Variants in SYT9 observed in about 807,000 individuals in gnomAD.
SYT9 encodes synaptotagmin-9.
Under a neutral mutation model 48.4 loss-of-function variants are expected in SYT9, and 22 were observed. The observed-to-expected ratio is 0.45, with a 90% CI of 0.32 to 0.65. The LOEUF (loss-of-function observed/expected upper bound fraction) is 0.65. Among genes scored for constraint, SYT9 ranks in the 30% least tolerant of loss-of-function variants. The pLI is 0.03. For synonymous variants in SYT9, 265 were observed against 245.0 expected, an observed-to-expected ratio of 1.08 and a Z score of -0.76; for missense variants, 577 against 622.0, an observed-to-expected ratio of 0.93 and a Z score of 0.77.
chr11:7,264,095 G>C (rs752961723), intron 1 of SYT9, among the ~76,000 whole-genome samples: 1 of 152,052 alleles, frequency 6.6e-6, no homozygotes, highest in African/African-American at 2.4e-5. Flanking sequence ...GGGCAGATGT[G>C]GTTTGGGAAT....
At chr11:7,254,850 A>T (rs1303990898) in intron 1 of SYT9, among the ~76,000 whole-genome samples, 3 of 152,112 alleles carry the variant, frequency 2.0e-5, no homozygotes, top group African/African-American at 7.2e-5. Flanking sequence ...AAATTTACTC[A>T]TTTTTTCAGA....
chr11:7,336,359 T>C (rs577032762), intron 3 of SYT9, among the ~76,000 whole-genome samples: 5 of 152,334 alleles, frequency 3.3e-5, no homozygotes, highest in East Asian at 3.9e-4. Flanking sequence ...ATCCCATTTG[T>C]CAATTTTAGC....
At chr11:7,309,748 T>C (rs1204874942) in intron 2 of SYT9, among the ~76,000 whole-genome samples, 3 of 152,152 alleles carry the variant, frequency 2.0e-5, no homozygotes, top group African/African-American at 7.2e-5. Flanking sequence ...TGGGGCAGTC[T>C]CCCTGCTCCA....
At chr11:7,287,939 A>T (rs16924381) in intron 1 of SYT9, among the ~76,000 whole-genome samples, 14,416 of 152,212 alleles carry the variant, frequency 0.095, 1,082 homozygotes, top group African/African-American at 0.21. Context: ...AGTTTGCTGA[A>T]GGAAGTGGCA....
intron 5 of SYT9, 35 bp from the exon 6 acceptor site, chr11:7,420,471 T>C (rs984022581): frequency 6.2e-7 from 1 of 1,610,454 alleles, no homozygotes. Context: ...CATACCAAAA[T>C]TTTAAGAAAA....
At chr11:7,438,874 T>C (rs992153801) in intron 6 of SYT9, 1 of 152,272 alleles carries the variant, frequency 6.6e-6, no homozygotes, top group African/African-American at 2.4e-5. Context: ...AGACTTCATC[T>C]CTGATTTCAG....
chr11:7,303,244 T>C lies in SYT9; in HGVS notation c.351T>C (p.Asp117=), dbSNP rs4412741. ...AGGAGAACAGTGAGGACTTCCTAGA[T>C]CCTCCCACGCCCTGCCCTGACTCCT... The part of the protein sequence containing the change: ...NEQENSEDFL[D]PPTPCPDSSM... The change falls in exon 2 of 7, where the codon GAT becomes GAC. Residue 117 remains aspartate, a synonymous_variant. Transcript: ENST00000318881. 1 allele frequency: 1,608,834 copies of C among 1,614,122 alleles called. 801,942 individuals are homozygous for C. Among genetic ancestry groups the C allele is most frequent in the East Asian group, 1 (44,860 of 44,860 alleles).
chr11:7,367,120 C>T, intron 3 of SYT9, among the ~76,000 whole-genome samples: 1 of 110,118 alleles, frequency 9.1e-6, no homozygotes, highest in African/African-American at 3.4e-5. Flanking sequence ...CTCGCTCTGT[C>T]ACCCAGGCTG....
chr11:7,385,363 T>C (rs1053190635), intron 3 of SYT9, among the ~76,000 whole-genome samples: 3 of 150,336 alleles, frequency 2.0e-5, no homozygotes, highest in African/African-American at 7.4e-5. Flanking sequence ...TGTGTGTGTG[T>C]GTGTGTGCGT....
In SYT9 at chr11:7,313,399, A is replaced by T; in HGVS notation, c.502A>T (p.Asn168Tyr). 6.2e-7 allele frequency: 1 copy of T among 1,608,302 alleles called. No homozygotes were observed. The highest frequency in any genetic ancestry group is 8.5e-7 in the Non-Finnish European group (1 of 1,177,768). The change falls in exon 3 of 7, where the codon AAT (asparagine) becomes TAT (tyrosine). Residue 168 changes from asparagine (N) to tyrosine (Y), a missense_variant. Transcript: ENST00000318881. The part of the protein sequence containing the change: ...VTEPTSSARH[N>Y]SIRRQLNLSN... ...CTGTGTTGCTCTTCATTCAAGGCAT[A>T]ATTCAATCCGAAGACAACTCAACTT...
At chr11:7,364,580 T>G (rs1850206154) in intron 3 of SYT9, among the ~76,000 whole-genome samples, 1 of 152,174 alleles carries the variant, frequency 6.6e-6, no homozygotes, top group Non-Finnish European at 1.5e-5. Flanking sequence ...TTGTTTGACT[T>G]TAAAACTGAC....
intron 6 of SYT9, among the ~76,000 whole-genome samples, chr11:7,456,009 T>C (rs895389717): frequency 1.3e-5 from 2 of 152,222 alleles, no homozygotes; most frequent in Admixed American, 1.3e-4. Context: ...CCATGAAGTT[T>C]CTAGTGAGCA....
intron 3 of SYT9, among the ~76,000 whole-genome samples, chr11:7,323,761 G>C (rs1849378339): frequency 1.3e-5 from 2 of 151,748 alleles, no homozygotes; most frequent in South Asian, 4.1e-4. Context: ...TGTTCACAAT[G>C]TGTTGCTTTT....
rs140244027 is a variant in SYT9 at position 7,346,053 on chromosome 11, G to T, written c.1044+32112G>T. The stretch of plus-strand genomic sequence containing the variant: ...AAGTTGATGAAGAAAGGACTGAAAA[G>T]AACCCACTGGATTATGTGACGGCAA... On this transcript the variant is annotated intron_variant, in intron 3 of 6. Transcript: ENST00000318881. 4.9e-4 allele frequency among the ~76,000 whole-genome samples: 74 copies of T among 152,350 alleles called. 1 individual carries two copies. In the South Asian group the frequency reaches 0.014, roughly 30 times the overall value.
intron 3 of SYT9, among the ~76,000 whole-genome samples, chr11:7,382,024 A>C (rs933711073): frequency 6.6e-6 from 1 of 152,116 alleles, no homozygotes; most frequent in Non-Finnish European, 1.5e-5. Flanking sequence ...TTTTGTGGGC[A>C]CTCACCTGTG....
upstream of SYT9, among the ~76,000 whole-genome samples, chr11:7,249,233 C>T (rs1847830251): frequency 1.3e-5 from 2 of 152,218 alleles, no homozygotes; most frequent in Non-Finnish European, 2.9e-5. Context: ...TCTTTCTCCA[C>T]ATTGTTTCTC....
Position 7,252,020 on chromosome 11 carries a change from GA to G in SYT9, c.-166del. The stretch of plus-strand genomic sequence containing the variant: ...GCGAAGAGCTGCATGCAACCGGTGG[GA>G]GGCCGGGCCGGCTGGGTCTGGGGCT... On this transcript the variant is annotated 5_prime_UTR_variant, in exon 1 of 7. The change abolishes the stop of an existing upstream ORF in the 5' untranslated region. Transcript: ENST00000318881. This position sits in a 1 kb window ranked among gnomAD's most constrained non-coding sequence, Gnocchi z 6.3. The G allele has an allele frequency of 1.4e-6, 1 of 719,276 alleles. No homozygotes were observed. Among genetic ancestry groups the G allele is most frequent in the Non-Finnish European group, 2.0e-6 (1 of 500,370 alleles). The allele number at this position is 719,276 out of a possible 1,614,324, so 44.6% of individuals were successfully genotyped here.
intron 1 of SYT9, among the ~76,000 whole-genome samples, chr11:7,275,572 G>A (rs1848372730): frequency 6.6e-6 from 1 of 152,086 alleles, no homozygotes; most frequent in African/African-American, 2.4e-5. Flanking sequence ...TGTCACTTAT[G>A]CATTTTTCCC....
chr11:7,409,494 C>T (rs953405611), intron 3 of SYT9, among the ~76,000 whole-genome samples: 1 of 152,020 alleles, frequency 6.6e-6, no homozygotes, highest in Non-Finnish European at 1.5e-5. Context: ...TTCATCCATC[C>T]AGTAGTTGGG....
Sources: gnomAD v4.1 joint callset for allele counts (sites outside exome capture counted in the v4.1 genomes callset) on GRCh38, gnomAD v4.1.1 for gene constraint, Gnocchi (gnomAD v3.1) non-coding constraint, MANE v1.5 for transcripts, NCBI Gene and HGNC (gene_info 2026-07-23, HGNC 2026-07-21) for gene names.